NALF1: variants seen among roughly 807,000 people sequenced by gnomAD.
NALF1 encodes the protein family with sequence similarity 155 member A.
A neutral mutation model predicts 48.4 loss-of-function variants in NALF1; 3 were observed. That is an observed-to-expected ratio of 0.06 (90% CI 0.03 to 0.16). NALF1 has a LOEUF of 0.16. Ranked by LOEUF, NALF1 falls within the 10% of genes least tolerant of loss-of-function variation. The pLI is 1.00. For synonymous variants in NALF1, 262 were observed against 245.7 expected, an observed-to-expected ratio of 1.07 and a Z score of -0.62; for missense variants, 526 against 571.5, an observed-to-expected ratio of 0.92 and a Z score of 0.81.
intron 1 of NALF1, among the ~76,000 whole-genome samples, chr13:107,242,949 T>C (rs9520338): frequency 0.28 from 42,625 of 151,998 alleles, 7,417 homozygotes; most frequent in South Asian, 0.48. Context: ...CTCTTCCCTT[T>C]ACCACCATGA....
chr13:107,560,885 C>G (rs990864985), intron 1 of NALF1, among the ~76,000 whole-genome samples: 3 of 152,202 alleles, frequency 2.0e-5, no homozygotes, highest in African/African-American at 7.2e-5. Context: ...GTGAAGAATG[C>G]TAAGAAATTA....
intron 1 of NALF1, among the ~76,000 whole-genome samples, chr13:107,234,772 G>GAATTTTAAA (rs1283925558): frequency 6.6e-6 from 1 of 152,106 alleles, no homozygotes; most frequent in Non-Finnish European, 1.5e-5. Context: ...TTTGCTTTAA[G>GAATTTTAAA]AATTTTAAAT....
intron 1 of NALF1, among the ~76,000 whole-genome samples, chr13:107,531,747 T>C (rs529791279): frequency 5.3e-4 from 80 of 152,226 alleles, no homozygotes; most frequent in Non-Finnish European, 8.4e-4. Context: ...TTGTTGTTGT[T>C]TGACTGGAAT....
intron 1 of NALF1, among the ~76,000 whole-genome samples, chr13:107,454,513 C>A (rs1884793512): frequency 6.6e-6 from 1 of 152,074 alleles, no homozygotes; most frequent in South Asian, 2.1e-4. Context: ...GGGAAACCAC[C>A]CCCATGATTC....
intron 1 of NALF1, among the ~76,000 whole-genome samples, chr13:107,645,092 T>C (rs186589707): frequency 3.9e-5 from 6 of 152,252 alleles, no homozygotes; most frequent in African/African-American, 1.2e-4. Flanking sequence ...TAAATAATGC[T>C]GCTATAAATA....
intron 1 of NALF1, among the ~76,000 whole-genome samples, chr13:107,768,881 A>T (rs1877492968): frequency 1.3e-5 from 2 of 152,190 alleles, no homozygotes; most frequent in Admixed American, 1.3e-4. Flanking sequence ...TGGGCAAAGG[A>T]CATGAACAGA....
At chr13:107,670,947 T>C (rs1327888641) in intron 1 of NALF1, among the ~76,000 whole-genome samples, 1 of 152,116 alleles carries the variant, frequency 6.6e-6, no homozygotes, top group Non-Finnish European at 1.5e-5. Flanking sequence ...CGAGTTCTCT[T>C]ATGGACAATA....
intron 1 of NALF1, among the ~76,000 whole-genome samples, chr13:107,573,831 T>C (rs1878057363): frequency 1.3e-5 from 2 of 152,136 alleles, no homozygotes; most frequent in African/African-American, 4.8e-5. Context: ...CCATGTAAGA[T>C]GTGACTTTGC....
At chr13:107,678,695 G>T (rs1360382410) in intron 1 of NALF1, among the ~76,000 whole-genome samples, 1 of 152,220 alleles carries the variant, frequency 6.6e-6, no homozygotes, top group Non-Finnish European at 1.5e-5. Context: ...CATGGTGGAA[G>T]GTGAAGGGAA....
chr13:107,827,455 T>C (rs1471849241), intron 1 of NALF1, among the ~76,000 whole-genome samples: 2 of 152,186 alleles, frequency 1.3e-5, no homozygotes, highest in Non-Finnish European at 2.9e-5. Context: ...AGACGGCTTG[T>C]TGCAGGATTG....
chr13:107,556,582 C>T (rs1228932129), intron 1 of NALF1, among the ~76,000 whole-genome samples: 1 of 152,024 alleles, frequency 6.6e-6, no homozygotes, highest in Non-Finnish European at 1.5e-5. Flanking sequence ...ACCCCTGTGT[C>T]CCAGGTACAA....
intron 1 of NALF1, among the ~76,000 whole-genome samples, chr13:107,729,958 G>T (rs764633005): frequency 1.7e-4 from 26 of 152,098 alleles, no homozygotes; most frequent in Admixed American, 9.2e-4. Context: ...TTGCAATGTA[G>T]TAAAAAATAT....
rs574273445 is a variant in NALF1 at position 107,576,751 on chromosome 13, G to A, written c.915+288931C>T. Among the ~76,000 whole-genome samples, 14 of 152,286 alleles carry A rather than the reference G, an allele frequency of 9.2e-5. No individual in the cohort carries two copies. The South Asian group carries it at 2.7e-3, about 29-fold the overall frequency. On this transcript the variant is annotated intron_variant, in intron 1 of 2. Coordinates refer to ENST00000375915, the MANE Select transcript of NALF1 (RefSeq NM_001080396.3). ...AGAATCACTGGCACAATAGAGGCAGGTGTGAAATGGGATGCCATGTATTAA... is the reference window on the plus strand; with the variant it reads ...AGAATCACTGGCACAATAGAGGCAGATGTGAAATGGGATGCCATGTATTAA...
intron 1 of NALF1, among the ~76,000 whole-genome samples, chr13:107,484,173 T>C (rs1275149181): frequency 6.6e-6 from 1 of 152,172 alleles, no homozygotes; most frequent in Non-Finnish European, 1.5e-5. Flanking sequence ...AATAGGATGG[T>C]AATTGAAATA....
chr13:107,201,506 G>C (rs529112566), intron 2 of NALF1, among the ~76,000 whole-genome samples: 12 of 152,136 alleles, frequency 7.9e-5, no homozygotes, highest in Admixed American at 2.0e-4. Flanking sequence ...GAACCCGCGA[G>C]GGGGAGCTTC....
At chr13:107,716,858 A>G (rs1397507624) in intron 1 of NALF1, among the ~76,000 whole-genome samples, 2 of 150,892 alleles carry the variant, frequency 1.3e-5, no homozygotes, top group East Asian at 4.2e-4. Flanking sequence ...ACACATCTTT[A>G]CACCTTTTTT....
At chr13:107,520,473 T>C (rs1250997945) in intron 1 of NALF1, among the ~76,000 whole-genome samples, 1 of 152,136 alleles carries the variant, frequency 6.6e-6, no homozygotes, top group Non-Finnish European at 1.5e-5. Flanking sequence ...AGCTCAGAGA[T>C]TATGAGATGT....
At chr13:107,455,366 A>T (rs1005245799) in intron 1 of NALF1, among the ~76,000 whole-genome samples, 2 of 147,358 alleles carry the variant, frequency 1.4e-5, no homozygotes, top group East Asian at 2.4e-4. Flanking sequence ...TTTGCCTTTT[A>T]AAAAAAAATA....
At chr13:107,586,744 T>G (rs2138414581) in intron 1 of NALF1, among the ~76,000 whole-genome samples, 1 of 149,768 alleles carries the variant, frequency 6.7e-6, no homozygotes, top group South Asian at 2.1e-4. Flanking sequence ...AAAATGCCAC[T>G]ACTTTTTGTA....
Sources: allele counts gnomAD v4.1 joint callset (sites outside exome capture counted in the v4.1 genomes callset), GRCh38; gene constraint gnomAD v4.1.1; transcripts MANE v1.5; gene names NCBI Gene and HGNC (gene_info 2026-07-23, HGNC 2026-07-21).